The following DENND1B variants were observed in gnomAD, a reference collection of about 807,000 sequenced individuals.
DENND1B encodes the protein DENN domain-containing protein 1B.
Under a neutral mutation model 90.1 loss-of-function variants are expected in DENND1B, and 59 were observed. The ratio of observed to expected loss-of-function variants is 0.65; its 90% confidence interval spans 0.53 to 0.81. DENND1B has a LOEUF of 0.81. DENND1B is among the 40% of genes least tolerant of loss of function. DENND1B has a pLI of 0.00. For missense variants in DENND1B, 862 were observed against 912.6 expected, an observed-to-expected ratio of 0.94 and a Z score of 0.71; for synonymous variants, 337 against 324.6, an observed-to-expected ratio of 1.04 and a Z score of -0.41.
rs564260838 is a variant in DENND1B at position 197,642,064 on chromosome 1, A to G, written c.672+647T>C. On this transcript the variant is annotated intron_variant, in intron 10 of 22. Transcript: ENST00000620048. ...TTTTTGAAGCTTAAATGAGAAAAAA[A>G]TTATAAAATCTAGCAAAATACTTCT... 2.8e-4 allele frequency among the ~76,000 whole-genome samples: 42 copies of G among 152,218 alleles called. 1 individual carries two copies. In the South Asian group the frequency reaches 8.7e-3, roughly 32 times the overall value.
chr1:197,727,820 A>G (rs918938849), intron 2 of DENND1B, among the ~76,000 whole-genome samples: 8 of 152,186 alleles, frequency 5.3e-5, no homozygotes, highest in South Asian at 2.1e-4. Context: ...CCACTAAAAA[A>G]AGACACATCC....
At chr1:197,576,335 C>A (rs1673685075) in intron 15 of DENND1B, among the ~76,000 whole-genome samples, 1 of 151,844 alleles carries the variant, frequency 6.6e-6, no homozygotes, top group Non-Finnish European at 1.5e-5. Flanking sequence ...CACCAAGCAC[C>A]TTATATAGTG....
intron 2 of DENND1B, among the ~76,000 whole-genome samples, chr1:197,770,673 T>G (rs1055863162): frequency 1.6e-4 from 23 of 144,578 alleles, no homozygotes; most frequent in Admixed American, 1.5e-3. Context: ...TATATATCTA[T>G]AAATATACAT....
In DENND1B at chr1:197,540,980, C is replaced by T. The variant is rs1277638632; in HGVS notation, c.1386G>A (p.Val462=). 4 of 1,612,598 alleles carry T rather than the reference C, an allele frequency of 2.5e-6. No individual in the cohort carries two copies. In the African/African-American group the frequency reaches 5.3e-5, roughly 22 times the overall value. Residue 462 remains valine (V), a synonymous_variant, in exon 19 of 23, where the codon GTG becomes GTA. Transcript: ENST00000620048. The part of the protein sequence containing the change: ...KNHAKLGLKE[V]KSKLKHKENE... ...ATACCTTGTGTTTTAGTTTACTCTT[C>T]ACTTCCTTTAGTCCCAGCTTTGCAT...
intron 10 of DENND1B, among the ~76,000 whole-genome samples, chr1:197,627,218 A>G (rs1193529514): frequency 6.6e-6 from 1 of 152,110 alleles, no homozygotes. Context: ...GGGCAGAGAC[A>G]CACCGAAAAA....
At chr1:197,743,063 T>C (rs927058941) in intron 2 of DENND1B, among the ~76,000 whole-genome samples, 1 of 152,218 alleles carries the variant, frequency 6.6e-6, no homozygotes, top group South Asian at 2.1e-4. Flanking sequence ...CTGGGTTTTA[T>C]TCCAGACTAT....
intron 9 of DENND1B, among the ~76,000 whole-genome samples, chr1:197,643,285 G>A (rs973352508): frequency 4.6e-5 from 7 of 151,920 alleles, no homozygotes; most frequent in Admixed American, 2.6e-4. Context: ...CACCAGAGTA[G>A]CTAGGATTAC....
At chr1:197,564,704 T>A (rs1431739127) in intron 15 of DENND1B, among the ~76,000 whole-genome samples, 1 of 152,020 alleles carries the variant, frequency 6.6e-6, no homozygotes, top group Non-Finnish European at 1.5e-5. Flanking sequence ...GTGTTCTTAC[T>A]TTTTATGGCA....
intron 10 of DENND1B, among the ~76,000 whole-genome samples, chr1:197,640,315 A>G (rs1680158404): frequency 6.6e-6 from 1 of 151,980 alleles, no homozygotes; most frequent in Non-Finnish European, 1.5e-5. Flanking sequence ...TCTACTAAAA[A>G]TACAAAAATT....
intron 15 of DENND1B, among the ~76,000 whole-genome samples, chr1:197,577,296 C>T (rs6676073): frequency 0.16 from 23,983 of 152,068 alleles, 2,169 homozygotes; most frequent in Non-Finnish European, 0.2. Context: ...AGCTACATTG[C>T]GGTATAGAAT....
chr1:197,619,587 A>G (rs1414912604), intron 10 of DENND1B, among the ~76,000 whole-genome samples: 1 of 151,140 alleles, frequency 6.6e-6, no homozygotes, highest in Non-Finnish European at 1.5e-5. Context: ...TAGCAAGAGG[A>G]AAAACACGTT....
chr1:197,605,151 T>G (rs1437772893), intron 13 of DENND1B, among the ~76,000 whole-genome samples: 1 of 151,030 alleles, frequency 6.6e-6, no homozygotes, highest in African/African-American at 2.4e-5. Flanking sequence ...ATTTCAGTTA[T>G]GTTTATATTG....
chr1:197,525,673 T>C (rs965251935), intron 20 of DENND1B, among the ~76,000 whole-genome samples: 4 of 152,054 alleles, frequency 2.6e-5, no homozygotes, highest in Non-Finnish European at 5.9e-5. Context: ...GTTAAAATAT[T>C]TGTTAGTAAA....
chr1:197,757,139 T>C (rs1260161552), intron 2 of DENND1B, among the ~76,000 whole-genome samples: 3 of 152,260 alleles, frequency 2.0e-5, no homozygotes, highest in Non-Finnish European at 2.9e-5. Context: ...AGCATATTCA[T>C]ATAATTTATT....
At chr1:197,557,816 C>T (rs185542900) in intron 15 of DENND1B, among the ~76,000 whole-genome samples, 4 of 151,774 alleles carry the variant, frequency 2.6e-5, no homozygotes, top group African/African-American at 9.6e-5. Context: ...CATGGTTATA[C>T]CACTTTAATA....
intron 15 of DENND1B, among the ~76,000 whole-genome samples, chr1:197,559,987 T>C (rs530332799): frequency 1.3e-5 from 2 of 152,022 alleles, no homozygotes; most frequent in South Asian, 2.1e-4. Flanking sequence ...CATTAGGTAA[T>C]GAGATGACTA....
intron 3 of DENND1B, among the ~76,000 whole-genome samples, chr1:197,701,137 T>G (rs900355880): frequency 2.6e-5 from 4 of 152,218 alleles, no homozygotes; most frequent in African/African-American, 9.6e-5. Context: ...CACATTTGTT[T>G]GTTGCAGCAC....
intron 10 of DENND1B, among the ~76,000 whole-genome samples, chr1:197,630,051 A>G (rs1387859871): frequency 6.6e-6 from 1 of 152,102 alleles, no homozygotes; most frequent in Admixed American, 6.6e-5. Flanking sequence ...ACTGACAACA[A>G]ATGCTGATGA....
chr1:197,576,652 C>T (rs964695007), intron 15 of DENND1B, among the ~76,000 whole-genome samples: 9 of 152,178 alleles, frequency 5.9e-5, no homozygotes, highest in Middle Eastern at 6.8e-3. Flanking sequence ...GCTTCCTAAA[C>T]TGTGCCTGTC....
Sources: allele counts gnomAD v4.1 joint callset (sites outside exome capture counted in the v4.1 genomes callset), GRCh38; gene constraint gnomAD v4.1.1; transcripts MANE v1.5; gene names NCBI Gene and HGNC (gene_info 2026-07-23, HGNC 2026-07-21).